ZNF536: variants seen among roughly 807,000 people sequenced by gnomAD.
ZNF536 encodes the protein zinc finger protein 536.
Under a neutral mutation model 84.5 loss-of-function variants are expected in ZNF536, and 13 were observed. The ratio of observed to expected loss-of-function variants is 0.15; its 90% CI spans 0.10 to 0.24. The LOEUF (loss-of-function observed/expected upper bound fraction) is 0.24, where lower values mean the gene tolerates loss of function less well. ZNF536 is among the 10% of genes least tolerant of loss of function. The pLI is 1.00. For missense variants in ZNF536, 1,536 were observed against 1,747.5 expected (o/e 0.88, Z 2.16); for synonymous variants, 811 against 742.5 (o/e 1.09, Z -1.50).
intron 1 of ZNF536, among the ~76,000 whole-genome samples, chr19:30,600,860 A>G (rs998859058): frequency 1.3e-5 from 2 of 152,264 alleles, no homozygotes; most frequent in Non-Finnish European, 2.9e-5. Flanking sequence ...TCTGCCAAGC[A>G]TCGAGTGTGG....
intron 3 of ZNF536, among the ~76,000 whole-genome samples, chr19:30,536,389 C>A (rs1282943932): frequency 6.6e-6 from 1 of 152,176 alleles, no homozygotes; most frequent in East Asian, 1.9e-4. Context: ...AAACAGCCCT[C>A]ACATCCCCTG....
At chr19:30,427,799 T>C (rs1222593969) in intron 1 of ZNF536, among the ~76,000 whole-genome samples, 1 of 152,168 alleles carries the variant, frequency 6.6e-6, no homozygotes, top group Non-Finnish European at 1.5e-5. Flanking sequence ...GAAGGGAAGT[T>C]ACAGTTGAAA....
intron 1 of ZNF536, among the ~76,000 whole-genome samples, chr19:30,600,071 T>G (rs757549511): frequency 1.5e-4 from 23 of 149,852 alleles, no homozygotes; most frequent in Non-Finnish European, 2.5e-4. Flanking sequence ...TGTTGTTGTT[T>G]TTTGTTTTTG....
At chr19:30,304,698 A>G (rs1357338795) in intron 2 of ZNF536, among the ~76,000 whole-genome samples, 1 of 152,192 alleles carries the variant, frequency 6.6e-6, no homozygotes, top group Non-Finnish European at 1.5e-5. Context: ...TATTAAGTCC[A>G]GGAGGAAAGC....
intron 1 of ZNF536, among the ~76,000 whole-genome samples, chr19:30,696,924 G>C (rs2051685196): frequency 1.3e-5 from 2 of 152,206 alleles, no homozygotes; most frequent in Non-Finnish European, 2.9e-5. Flanking sequence ...GCAGGACCAT[G>C]TTCTGCCTCT....
At chr19:30,499,975 C>T (rs1409092201) in intron 2 of ZNF536, among the ~76,000 whole-genome samples, 1 of 152,206 alleles carries the variant, frequency 6.6e-6, no homozygotes, top group Admixed American at 6.5e-5. Flanking sequence ...CCCCACCTAC[C>T]AGGGACTTTT....
At chr19:30,439,559 G>T (rs889203470) in intron 1 of ZNF536, among the ~76,000 whole-genome samples, 1 of 152,178 alleles carries the variant, frequency 6.6e-6, no homozygotes, top group Admixed American at 6.5e-5. Flanking sequence ...TCTAAGTCGA[G>T]CAGCAGGCAT....
At chr19:30,600,648 C>T (rs958754806) in intron 1 of ZNF536, among the ~76,000 whole-genome samples, 11 of 152,198 alleles carry the variant, frequency 7.2e-5, no homozygotes, top group South Asian at 2.1e-4. Context: ...ACTGGCGCCC[C>T]GGAGGAGGAC....
chr19:30,697,697 G>A (rs1600302575), intron 1 of ZNF536, among the ~76,000 whole-genome samples: 1 of 152,188 alleles, frequency 6.6e-6, no homozygotes, highest in Non-Finnish European at 1.5e-5. Flanking sequence ...CTTCATCACT[G>A]TGCTTGAATA....
chr19:30,476,929 G>T (rs7252241), intron 2 of ZNF536, among the ~76,000 whole-genome samples: 24,770 of 151,896 alleles, frequency 0.16, 3,026 homozygotes, highest in African/African-American at 0.34. Context: ...TCCTGCCTTG[G>T]GGCCTTTGCA....
Position 30,443,643 on chromosome 19 carries a change from C to T in ZNF536, c.81C>T (p.Asn27=), listed in dbSNP as rs1346301084. 1.2e-6 allele frequency: 2 copies of T among 1,612,774 alleles called. No homozygotes were observed. Among genetic ancestry groups the T allele is most frequent in the East Asian group, 4.5e-5 (2 of 44,864 alleles). ...CCCACCTGAGTGGCCCCGTCCTCAACGGCCAGTATGCCATGAGTCAGAAGC... is the reference window on the plus strand; with the variant it reads ...CCCACCTGAGTGGCCCCGTCCTCAATGGCCAGTATGCCATGAGTCAGAAGC... ...AEPHLSGPVL[N]GQYAMSQKLH... is the part of the protein sequence containing the mutation. Residue 27 remains asparagine (N), a synonymous_variant, in exon 2 of 5, where the codon AAC becomes AAT. Coordinates refer to ENST00000355537, the MANE Select transcript of ZNF536 (RefSeq NM_014717.3).
chr19:30,260,188 T>C (rs1193722961), intron 1 of ZNF536, among the ~76,000 whole-genome samples: 1 of 152,212 alleles, frequency 6.6e-6, no homozygotes, highest in Non-Finnish European at 1.5e-5. Context: ...AATGTGTTTA[T>C]TTTAGACTTG....
At chr19:30,369,146 TC>T (rs1399278955), upstream of ZNF536, among the ~76,000 whole-genome samples, 1 of 152,222 alleles carries the variant, frequency 6.6e-6, no homozygotes, top group African/African-American at 2.4e-5. Context: ...CACGCAGACA[TC>T]CCATTTATGT....
chr19:30,625,081 GT>G (rs2048627665), intron 1 of ZNF536, among the ~76,000 whole-genome samples: 1 of 152,188 alleles, frequency 6.6e-6, no homozygotes, highest in African/African-American at 2.4e-5. Flanking sequence ...CTTTATAGCA[GT>G]ATGAAAATGG....
intron 2 of ZNF536, among the ~76,000 whole-genome samples, chr19:30,494,091 TA>T (rs1222103921): frequency 2.0e-5 from 3 of 152,082 alleles, no homozygotes; most frequent in African/African-American, 4.8e-5. Flanking sequence ...AAAACTTCCT[TA>T]AAAAAAGGTT....
At chr19:30,458,616 C>A (rs997209250) in intron 2 of ZNF536, among the ~76,000 whole-genome samples, 2 of 152,006 alleles carry the variant, frequency 1.3e-5, no homozygotes, top group Admixed American at 1.3e-4. Context: ...CCACACCAGG[C>A]TAATTTTGTA....
At chr19:30,346,497 C>A (rs2047746925) in intron 2 of ZNF536, among the ~76,000 whole-genome samples, 1 of 152,154 alleles carries the variant, frequency 6.6e-6, no homozygotes, top group Non-Finnish European at 1.5e-5. Context: ...CTCCCACCCT[C>A]CACCCTCTGA....
intron 1 of ZNF536, among the ~76,000 whole-genome samples, chr19:30,609,405 T>A (rs926412631): frequency 2.0e-5 from 3 of 152,254 alleles, no homozygotes; most frequent in Non-Finnish European, 4.4e-5. Flanking sequence ...AATGTATTTT[T>A]GTAGAGCTAA....
intron 1 of ZNF536, among the ~76,000 whole-genome samples, chr19:30,664,970 G>A (rs1481766746): frequency 6.6e-6 from 1 of 152,244 alleles, no homozygotes; most frequent in Non-Finnish European, 1.5e-5. Context: ...CTCCATGAGA[G>A]TAAAGCGAGT....
Sources: allele counts gnomAD v4.1 joint callset (sites outside exome capture counted in the v4.1 genomes callset), GRCh38; gene constraint gnomAD v4.1.1; transcripts MANE v1.5; gene names NCBI Gene and HGNC (gene_info 2026-07-23, HGNC 2026-07-21).